The following MYH10 variants were observed in gnomAD, a reference collection of about 807,000 sequenced individuals.
MYH10 encodes myosin-10.
A neutral mutation model predicts 257.8 loss-of-function variants in MYH10; 55 were observed. The ratio of observed to expected loss-of-function variants is 0.21; its 90% confidence interval spans 0.17 to 0.27. The LOEUF is 0.27. MYH10 is among the 10% of genes least tolerant of loss of function. The pLI, the probability that MYH10 is intolerant of heterozygous loss-of-function variation, is 1.00. For missense variants in MYH10, 1,631 were observed against 2,500.6 expected, an observed-to-expected ratio of 0.65 and a Z score of 7.42; for synonymous variants, 854 against 921.7, an observed-to-expected ratio of 0.93 and a Z score of 1.33.
intron 21 of MYH10, among the ~76,000 whole-genome samples, chr17:8,517,090 G>A (rs926467026): frequency 3.3e-5 from 5 of 152,244 alleles, no homozygotes; most frequent in African/African-American, 4.8e-5. Context: ...GCAGTGAGCC[G>A]AGGTCGCGCC....
chr17:8,512,458 T>C lies in MYH10; in HGVS notation c.2945A>G (p.His982Arg). Reference protein sequence around the residue: ...LQNEKKKMQAHIQDLEEQLDE... With the variant: ...LQNEKKKMQARIQDLEEQLDE... ...AAAAATTATTATACATACCTGAATA[T>C]GTGCTTGCATTTTTTTCTTTTCATT... is the stretch of plus-strand genomic sequence containing the variant. Residue 982 changes from histidine to arginine, a missense_variant, in exon 24 of 43, where the codon CAT becomes CGT. By Grantham distance (29) the His-to-Arg change is conservative. Coordinates refer to ENST00000360416, the MANE Select transcript of MYH10 (RefSeq NM_001256012.3). The C allele has an allele frequency of 1.2e-6, 2 of 1,610,762 alleles. No homozygotes were observed. Among genetic ancestry groups the C allele is most frequent in the African/African-American group, 1.3e-5 (1 of 74,780 alleles).
intron 6 of MYH10, among the ~76,000 whole-genome samples, chr17:8,571,039 A>T (rs392554): frequency 6.6e-6 from 1 of 152,134 alleles, no homozygotes; most frequent in African/African-American, 2.4e-5. Flanking sequence ...CAGTCTTGTC[A>T]AGAACCTCAA....
chr17:8,489,126 C>T (rs2151808221), intron 35 of MYH10, among the ~76,000 whole-genome samples: 1 of 152,172 alleles, frequency 6.6e-6, no homozygotes, highest in South Asian at 2.1e-4. Context: ...TCAGGAGGCC[C>T]ATGTGGTGAG....
intron 3 of MYH10, among the ~76,000 whole-genome samples, chr17:8,595,267 C>G (rs1339491036): frequency 6.6e-6 from 1 of 152,014 alleles, no homozygotes; most frequent in Non-Finnish European, 1.5e-5. Flanking sequence ...CATAAGAAAC[C>G]TAATGATTTT....
chr17:8,520,774 C>T, intron 19 of MYH10, 104 bp downstream of exon 19: 1 of 1,295,174 alleles, frequency 7.7e-7, no homozygotes, highest in Non-Finnish European at 1.0e-6. Context: ...AGAAAACAAA[C>T]TATGTAGGGG....
At chr17:8,522,035 T>C (rs1323346573) in intron 17 of MYH10, among the ~76,000 whole-genome samples, 2 of 152,248 alleles carry the variant, frequency 1.3e-5, no homozygotes, top group Non-Finnish European at 2.9e-5. Flanking sequence ...GACCTAGTAC[T>C]TCTAATGATG....
chr17:8,596,312 C>T (rs2084370030), intron 3 of MYH10, among the ~76,000 whole-genome samples: 1 of 152,012 alleles, frequency 6.6e-6, no homozygotes, highest in South Asian at 2.1e-4. Flanking sequence ...GTTACCACGC[C>T]CAGCTAATTC....
At chr17:8,486,922 A>T (rs755547094) in intron 36 of MYH10, among the ~76,000 whole-genome samples, 16 of 152,346 alleles carry the variant, frequency 1.1e-4, no homozygotes, top group Non-Finnish European at 2.1e-4. Flanking sequence ...ACAAGGTCAA[A>T]GGAAAAGTTT....
chr17:8,547,049 C>G (rs1410381161), intron 11 of MYH10, among the ~76,000 whole-genome samples: 1 of 152,108 alleles, frequency 6.6e-6, no homozygotes, highest in African/African-American at 2.4e-5. Context: ...CCCTAGGCAA[C>G]CTAGTGGTCC....
intron 2 of MYH10, among the ~76,000 whole-genome samples, chr17:8,621,386 C>G (rs1171371289): frequency 6.6e-6 from 1 of 152,102 alleles, no homozygotes; most frequent in Non-Finnish European, 1.5e-5. Context: ...CCCATTCCTA[C>G]CGAACGAGGA....
At chr17:8,548,971 C>T (rs765508664) in intron 9 of MYH10, among the ~76,000 whole-genome samples, 184 bp from the exon 10 acceptor site, 6 of 151,858 alleles carry the variant, frequency 4.0e-5, no homozygotes, top group Non-Finnish European at 8.8e-5. Context: ...TTTTAATTAT[C>T]TGTACCAACA....
At chr17:8,587,030 C>A (rs1388602411) in intron 4 of MYH10, among the ~76,000 whole-genome samples, 4 of 152,144 alleles carry the variant, frequency 2.6e-5, no homozygotes, top group African/African-American at 4.8e-5. Flanking sequence ...GAAACTTGAA[C>A]AATGCTTACA....
intron 3 of MYH10, 40 bp from the exon 4 acceptor site, chr17:8,589,148 C>T (rs763336119): frequency 1.3e-6 from 2 of 1,598,940 alleles, no homozygotes; most frequent in South Asian, 2.2e-5. Flanking sequence ...AAGAAAGTGA[C>T]CATTTGCCTG....
intron 7 of MYH10, chr17:8,561,147 A>C (rs2082979292): frequency 1.6e-6 from 1 of 626,770 alleles, no homozygotes; most frequent in Non-Finnish European, 2.8e-6. Flanking sequence ...TATAAAATAA[A>C]AACTCAGTAA....
chr17:8,611,804 A>G (rs1248696478), intron 2 of MYH10, among the ~76,000 whole-genome samples: 2 of 152,206 alleles, frequency 1.3e-5, no homozygotes, highest in African/African-American at 2.4e-5. Context: ...TGTGAGTCCA[A>G]GAAGGAGAAA....
intron 37 of MYH10, among the ~76,000 whole-genome samples, chr17:8,483,844 C>T (rs1169471600): frequency 2.0e-5 from 3 of 152,238 alleles, no homozygotes; most frequent in African/African-American, 7.2e-5. Context: ...ACTTCCCTTT[C>T]CTGCACAGGG....
In MYH10 at chr17:8,482,084, C is replaced by G. The variant is rs541634777; in HGVS notation, c.5176-674G>C. Among the ~76,000 whole-genome samples, 143 of 152,306 alleles carry G rather than the reference C, an allele frequency of 9.4e-4. 2 individuals carry two copies. The South Asian group carries it at 0.013, about 14-fold the overall frequency. ...CTGATGGCTGCTTTTCCACAAACTT[C>G]TTTGGAAGGATGATTTGCCATGGAA... On this transcript the variant is annotated intron_variant, in intron 37 of 42. Transcript: ENST00000360416.
intron 3 of MYH10, among the ~76,000 whole-genome samples, chr17:8,592,412 A>G (rs1427134755): frequency 1.3e-5 from 2 of 152,184 alleles, no homozygotes; most frequent in Non-Finnish European, 2.9e-5. Flanking sequence ...TGAAGTAATC[A>G]GGAAAAAGGA....
chr17:8,500,304 A>G (rs1261854021), intron 29 of MYH10, among the ~76,000 whole-genome samples: 1 of 152,194 alleles, frequency 6.6e-6, no homozygotes, highest in Middle Eastern at 3.2e-3. Flanking sequence ...CACAGGGCAC[A>G]TGAAATTAAG....
Sources: allele counts gnomAD v4.1 joint callset (sites outside exome capture counted in the v4.1 genomes callset), GRCh38; gene constraint gnomAD v4.1.1; transcripts MANE v1.5; gene names NCBI Gene and HGNC (gene_info 2026-07-23, HGNC 2026-07-21).